PIDD1: variants seen among roughly 807,000 people sequenced by gnomAD.
The protein encoded by PIDD1 is p53-induced death domain-containing protein 1.
A neutral mutation model predicts 80.0 loss-of-function variants in PIDD1; 72 were observed. The ratio of observed to expected loss-of-function variants is 0.90; its 90% CI spans 0.74 to 1.09. PIDD1 has a LOEUF of 1.09. Among genes scored for constraint, PIDD1 ranks in the 50% least tolerant of loss-of-function variants. The pLI, the probability that PIDD1 is intolerant of heterozygous loss-of-function variation, is 0.00. For missense variants in PIDD1, 1,329 were observed against 1,228.3 expected (o/e 1.08, Z -1.23); for synonymous variants, 655 against 543.5 (o/e 1.21, Z -2.85).
chr11:799,268 A>G lies in PIDD1; in HGVS notation c.*39T>C. ...TTGAAGGTGGGGGCTCTGCCCATCCACTGGGGAATATCTGGGCCAGCCTAA... is the reference window on the plus strand; with the variant it reads ...TTGAAGGTGGGGGCTCTGCCCATCCGCTGGGGAATATCTGGGCCAGCCTAA... On this transcript the variant is annotated 3_prime_UTR_variant, in exon 16 of 16. Coordinates refer to ENST00000347755, the MANE Select transcript of PIDD1 (RefSeq NM_145886.4). 3 of 1,532,656 alleles carry G rather than the reference A, an allele frequency of 2.0e-6. No homozygotes were observed. Among genetic ancestry groups the G allele is most frequent in the Non-Finnish European group, 2.6e-6 (3 of 1,141,778 alleles). The allele number at this position is 1,532,656 out of a possible 1,614,324, so 94.9% of individuals were successfully genotyped here.
rs778472905 is a variant in PIDD1, at chr11:800,251, G to A, written c.2161-7C>T. On this transcript the variant is annotated splice_region_variant and splice_polypyrimidine_tract_variant and intron_variant, in intron 13 of 15. Transcript: ENST00000347755. The stretch of plus-strand genomic sequence containing the variant: ...CGCCACGGTAGAAGGACACCTGAAG[G>A]GGCATCGAATGGGGTTCGGAGTTCG... 55 of 1,611,018 alleles carry A rather than the reference G, an allele frequency of 3.4e-5. No individual in the cohort carries two copies. The highest frequency in any genetic ancestry group is 4.6e-5 in the Non-Finnish European group (54 of 1,179,252).
At position 802,097 on chromosome 11, in the gene PIDD1, G is replaced by C; in HGVS notation, c.1177-7C>G. On this transcript the variant is annotated splice_region_variant and splice_polypyrimidine_tract_variant and intron_variant, in intron 6 of 15. Transcript: ENST00000347755. ...GCAGCCACAGCCCCACATCCTGCCA[G>C]ACAAGGATGGTGTGAGCACTGGAGC... 6.3e-7 allele frequency: 1 copy of C among 1,575,560 alleles called. No individual in the cohort carries two copies. Among genetic ancestry groups the C allele is most frequent in the Non-Finnish European group, 8.6e-7 (1 of 1,161,270 alleles).
chr11:800,098 C>T, intron 14 of PIDD1, 33 bp downstream of exon 14: 6 of 1,604,820 alleles, frequency 3.7e-6, no homozygotes, highest in Non-Finnish European at 5.1e-6. Context: ...GGCCTCGGTC[C>T]TGCCCCGCCC....
At position 802,573 on chromosome 11, in the gene PIDD1, G is replaced by A. The variant is rs371258267; in HGVS notation, c.944C>T (p.Pro315Leu). 72 of 1,613,360 alleles carry A rather than the reference G, an allele frequency of 4.5e-5. No homozygotes were observed. The highest frequency in any genetic ancestry group is 3.3e-4 in the Middle Eastern group (2 of 6,062). ...CAAATCTGAGGTCAGGAACAGTCTGGGCATTTCTGGAATGAGGGCTGCCAC... is the reference window on the plus strand; with the variant it reads ...CAAATCTGAGGTCAGGAACAGTCTGAGCATTTCTGGAATGAGGGCTGCCAC... Reference protein sequence around the residue: ...SPVAALIPEMPRLFLTSDLDS... With the variant: ...SPVAALIPEMLRLFLTSDLDS... The change falls in exon 5 of 16, where the codon CCC (proline) becomes CTC (leucine). Residue 315 changes from proline (P) to leucine (L), a missense_variant. Coordinates refer to ENST00000347755, the MANE Select transcript of PIDD1 (RefSeq NM_145886.4).
upstream of PIDD1, among the ~76,000 whole-genome samples, chr11:808,136 G>A (rs985028807): frequency 7.0e-6 from 1 of 143,778 alleles, no homozygotes; most frequent in Non-Finnish European, 1.5e-5. Flanking sequence ...TAAAAAAAAA[G>A]TGAGATGGGG....
upstream of PIDD1, among the ~76,000 whole-genome samples, chr11:807,105 T>C (rs1295570009): frequency 6.7e-6 from 1 of 148,242 alleles, no homozygotes; most frequent in Non-Finnish European, 1.5e-5. Context: ...GGCACGAGAA[T>C]GGCTTGAACG....
Position 800,669 on chromosome 11 carries a change from G to T in PIDD1, c.1918-3C>A. On this transcript the variant is annotated splice_polypyrimidine_tract_variant and splice_region_variant and intron_variant, in intron 11 of 15. Coordinates refer to ENST00000347755, the MANE Select transcript of PIDD1 (RefSeq NM_145886.4). ...AGCCGCCGAAGGGTGGCGTCCACCTGCGGGGAAGCCCGTGCAGCTCAGGAC... is the reference window on the plus strand; with the variant it reads ...AGCCGCCGAAGGGTGGCGTCCACCTTCGGGGAAGCCCGTGCAGCTCAGGAC... 6.3e-7 allele frequency: 1 copy of T among 1,578,992 alleles called. No individual in the cohort carries two copies. Among genetic ancestry groups the T allele is most frequent in the South Asian group, 1.1e-5 (1 of 88,310 alleles).
Position 800,617 on chromosome 11 carries a change from G to A in PIDD1, c.1967C>T (p.Pro656Leu). The A allele has an allele frequency of 1.9e-6, 3 of 1,602,926 alleles. No homozygotes were observed. The highest frequency in any genetic ancestry group is 1.1e-5 in the South Asian group (1 of 90,712). Residue 656 changes from proline to leucine, a missense_variant, in exon 12 of 16, where the codon CCC (proline) becomes CTC (leucine). By Grantham distance (98) the Pro-to-Leu change is moderately conservative (BLOSUM62 -3). Coordinates refer to ENST00000347755, the MANE Select transcript of PIDD1 (RefSeq NM_145886.4). The part of the protein sequence containing the change: ...RLLERYRGPE[P>L]SDTVEMFEGE... Reference sequence around the variant, plus strand: ...CTCGAACATCTCCACCGTGTCAGAGGGCTCGGGGCCCCGGTACCGCTCCAG... The same window carrying A: ...CTCGAACATCTCCACCGTGTCAGAGAGCTCGGGGCCCCGGTACCGCTCCAG...
intron 7 of PIDD1, 118 bp downstream of exon 7, chr11:801,847 G>T: frequency 7.3e-7 from 1 of 1,373,054 alleles, no homozygotes. Flanking sequence ...ACATAGGGAA[G>T]CAGGATCCAG....
Position 803,606 on chromosome 11 carries a change from G to A in PIDD1, c.296-19C>T. On this transcript the variant is annotated intron_variant, in intron 2 of 15. Transcript: ENST00000347755. Reference sequence around the variant, plus strand: ...TGCCCTCCTGGGAAGGGGGGAGGCGGATGTGGCCCTCAGAGCCAGGGTCCG... The same window carrying A: ...TGCCCTCCTGGGAAGGGGGGAGGCGAATGTGGCCCTCAGAGCCAGGGTCCG... 1 of 1,591,780 alleles carries A rather than the reference G, an allele frequency of 6.3e-7. No individual in the cohort carries two copies. Among genetic ancestry groups the A allele is most frequent in the Non-Finnish European group, 8.6e-7 (1 of 1,169,226 alleles).
chr11:805,310 C>T, upstream of PIDD1: 1 of 761,856 alleles, frequency 1.3e-6, no homozygotes, highest in Non-Finnish European at 1.6e-6. Flanking sequence ...GGGACGCGCC[C>T]CCTCCGCCGG....
In PIDD1 at chr11:800,788, G is replaced by GGA. The variant is rs1565054644; in HGVS notation, c.1889_1890dup (p.Leu631SerfsTer69). 6.4e-7 allele frequency: 1 copy of GGA among 1,553,504 alleles called. No individual in the cohort carries two copies. Among genetic ancestry groups the GGA allele is most frequent in the South Asian group, 1.2e-5 (1 of 84,940 alleles). ...TTGTTTCGGGGCAGGCACTGCAGCA[G>GGA]GACCTGCTCAGGGTCCCGGCGCCGC... On this transcript the variant is annotated frameshift_variant, in exon 11 of 16. Coordinates refer to ENST00000347755, the MANE Select transcript of PIDD1 (RefSeq NM_145886.4). LOFTEE classifies it high-confidence loss of function.
Position 804,396 on chromosome 11 carries a change from C to T in PIDD1, c.-8G>A, listed in dbSNP as rs1443562399. On this transcript the variant is annotated 5_prime_UTR_variant, in exon 2 of 16. Transcript: ENST00000347755. ...CTCCACCGTTGCAGCCATCGCCCAC[C>T]GACGGTCCTTGGAGGCCAGACATGT... The T allele has an allele frequency of 6.3e-7, 1 of 1,580,226 alleles. No individual in the cohort carries two copies. The highest frequency in any genetic ancestry group is 1.1e-5 in the South Asian group (1 of 87,614).
chr11:803,043 C>G (rs1865505067), intron 3 of PIDD1, 131 bp downstream of exon 3: 3 of 957,910 alleles, frequency 3.1e-6, no homozygotes, highest in Admixed American at 4.8e-5. Context: ...TCTCAAAGGC[C>G]AGGGAGGTGG....
chr11:800,806 G>T lies in PIDD1; in HGVS notation c.1873C>A (p.Arg625=). The change falls in exon 11 of 16, where the codon CGG becomes AGG. Residue 625 remains arginine, a synonymous_variant. Coordinates refer to ENST00000347755, the MANE Select transcript of PIDD1 (RefSeq NM_145886.4). ...TGCAGCAGGACCTGCTCAGGGTCCC[G>T]GCGCCGCTGCAGAGCGATGAGGTTC... ...RVNLIALQRR[R]DPEQVLLQCL... 6.4e-7 allele frequency: 1 copy of T among 1,557,290 alleles called. No individual in the cohort carries two copies. Among genetic ancestry groups the T allele is most frequent in the South Asian group, 1.2e-5 (1 of 85,032 alleles).
chr11:803,029 G>A lies in PIDD1; in HGVS notation c.710-138C>T, dbSNP rs562297418. On this transcript the variant is annotated intron_variant, in intron 3 of 15. Coordinates refer to ENST00000347755, the MANE Select transcript of PIDD1 (RefSeq NM_145886.4). The stretch of plus-strand genomic sequence containing the variant: ...AGAGAACTCTGACAAAGCCACTGAG[G>A]GAGTCTCAAAGGCCAGGGAGGTGGA... The A allele has an allele frequency of 9.3e-6, 9 of 967,254 alleles. No homozygotes were observed. In the Admixed American group the frequency reaches 9.8e-5, roughly 10 times the overall value. 59.9% of individuals were successfully genotyped at this position (967,254 alleles called of 1,614,324 possible). A position where few individuals can be genotyped will look rare whatever the true frequency, so the allele number is the denominator to read the frequency against.
rs768945236 is a variant in PIDD1 at position 801,979 on chromosome 11, C to T, written c.1288G>A (p.Glu430Lys). Residue 430 changes from glutamate (E) to lysine (K), a missense_variant, in exon 7 of 16, where the codon GAA becomes AAA. Transcript: ENST00000347755. Reference sequence around the variant, plus strand: ...GTGGCCCTCACCTGGGGTGCCTCTTCCTCCAGGTAGGTCTCCAGGTCACCC... The same window carrying T: ...GTGGCCCTCACCTGGGGTGCCTCTTTCTCCAGGTAGGTCTCCAGGTCACCC... The part of the protein sequence containing the change: ...SWGDLETYLE[E>K]EAPQRLWAHC... 1.1e-5 allele frequency: 17 copies of T among 1,602,992 alleles called. 1 individual carries two copies. Among genetic ancestry groups the T allele is most frequent in the South Asian group, 7.9e-5 (7 of 89,042 alleles).
chr11:799,991 T>G lies in PIDD1; in HGVS notation c.2298A>C (p.Pro766=). The G allele has an allele frequency of 6.2e-7, 1 of 1,612,802 alleles. No homozygotes were observed. The highest frequency in any genetic ancestry group is 8.5e-7 in the Non-Finnish European group (1 of 1,179,914). The change falls in exon 15 of 16, where the codon CCA becomes CCC. Residue 766 remains proline, a synonymous_variant. Coordinates refer to ENST00000347755, the MANE Select transcript of PIDD1 (RefSeq NM_145886.4). ...KLPRLRGSEG[P]RRGAGLSLAP... is the part of the protein sequence containing the mutation. ...CCAAGGAGAGGCCAGCCCCCCGCCG[T>G]GGCCCCTCGGACCCTCGAAGTCTCT...
Position 804,449 on chromosome 11 carries a change from C to A in PIDD1, c.-61G>T, listed in dbSNP as rs988814728. ...CAGCACGCAGGCAGGCCTGTCCAGG[C>A]AGCGCCCGGGGAAGCTGCAGAGGCA... is the stretch of plus-strand genomic sequence containing the variant. On this transcript the variant is annotated 5_prime_UTR_variant, in exon 2 of 16. Transcript: ENST00000347755. The A allele has an allele frequency of 1.5e-5, 22 of 1,516,190 alleles. No homozygotes were observed. The highest frequency in any genetic ancestry group is 1.9e-5 in the Non-Finnish European group (22 of 1,136,556). The allele number at this position is 1,516,190 out of a possible 1,614,324, so 93.9% of individuals were successfully genotyped here.
Sources: gnomAD v4.1 joint callset for allele counts (sites outside exome capture counted in the v4.1 genomes callset) on GRCh38, gnomAD v4.1.1 for gene constraint, MANE v1.5 for transcripts, NCBI Gene and HGNC (gene_info 2026-07-23, HGNC 2026-07-21) for gene names.